COL12A1: variants seen among roughly 807,000 people sequenced by gnomAD.
The protein encoded by COL12A1 is collagen type XII alpha 1 chain.
Under a neutral mutation model 349.7 loss-of-function variants are expected in COL12A1, and 114 were observed. The ratio of observed to expected loss-of-function variants is 0.33; its 90% CI spans 0.28 to 0.38. The LOEUF is 0.38. Among genes scored for constraint, COL12A1 ranks in the 10% least tolerant of loss-of-function variants. The probability of loss-of-function intolerance (pLI) is 1.00; values close to 1 mark genes in which losing one functional copy is unlikely to be tolerated. For synonymous variants in COL12A1, 1,369 were observed against 1,329.0 expected, an observed-to-expected ratio of 1.03 and a Z score of -0.66; for missense variants, 3,284 against 3,756.9, an observed-to-expected ratio of 0.87 and a Z score of 3.29.
intron 14 of COL12A1, among the ~76,000 whole-genome samples, chr6:75,157,485 A>G (rs1460227260): frequency 2.6e-5 from 4 of 152,084 alleles, no homozygotes; most frequent in Non-Finnish European, 5.9e-5. Context: ...ATTTTCAGAC[A>G]CGACATCAGC....
At chr6:75,116,385 T>C (rs1332082615) in intron 47 of COL12A1, among the ~76,000 whole-genome samples, 1 of 152,164 alleles carries the variant, frequency 6.6e-6, no homozygotes, top group African/African-American at 2.4e-5. Context: ...CAGGGAATTT[T>C]AGATTTCTGC....
intron 2 of COL12A1, among the ~76,000 whole-genome samples, chr6:75,200,226 G>C (rs1770457406): frequency 6.6e-6 from 1 of 152,202 alleles, no homozygotes; most frequent in South Asian, 2.1e-4. Context: ...GTCAACAGCA[G>C]AGCTGTGCTG....
At chr6:75,133,807 C>T in intron 33 of COL12A1, 51 bp downstream of exon 33, 1 of 1,602,334 alleles carries the variant, frequency 6.2e-7, no homozygotes, top group Non-Finnish European at 8.5e-7. Flanking sequence ...TTTTAAATCA[C>T]TCAGCTACCA....
In COL12A1 at chr6:75,152,268, G is replaced by A; in HGVS notation, c.3716-18C>T. On this transcript the variant is annotated intron_variant, in intron 18 of 65. Transcript: ENST00000322507. ...AGCAAGAGCTAAAATGACACCACTG[G>A]CATTAGTGCATGTGAAAGAGAAAGA... 2 of 1,613,630 alleles carry A rather than the reference G, an allele frequency of 1.2e-6. No homozygotes were observed. Among genetic ancestry groups the A allele is most frequent in the Non-Finnish European group, 1.7e-6 (2 of 1,179,710 alleles).
intron 44 of COL12A1, among the ~76,000 whole-genome samples, chr6:75,120,595 T>C (rs953869317): frequency 3.3e-5 from 5 of 152,160 alleles, no homozygotes; most frequent in Non-Finnish European, 7.4e-5. Context: ...TGCAGCAATA[T>C]AGACAAAATA....
chr6:75,162,299 C>T (rs541152828), intron 14 of COL12A1, among the ~76,000 whole-genome samples: 56 of 151,238 alleles, frequency 3.7e-4, no homozygotes, highest in Middle Eastern at 3.4e-3. Context: ...GTACCAAAAA[C>T]GTAAAGTGCA....
intron 14 of COL12A1, among the ~76,000 whole-genome samples, chr6:75,159,799 C>CA (rs940765818): frequency 5.0e-5 from 7 of 140,696 alleles, no homozygotes; most frequent in African/African-American, 7.9e-5. Context: ...ACTTAAGTTT[C>CA]AAAAAAAAAT....
intron 7 of COL12A1, 30 bp downstream of exon 7, chr6:75,189,182 TGTAAA>T (rs762944637): frequency 6.2e-7 from 1 of 1,602,182 alleles, no homozygotes; most frequent in Non-Finnish European, 8.5e-7. Context: ...CTGTAGGAGT[TGTAAA>T]ATGGAAATAA....
At position 75,181,015 on chromosome 6, in the gene COL12A1, C is replaced by T. The variant is rs1769246763; in HGVS notation, c.2088G>A (p.Leu696=). 1 of 1,614,018 alleles carries T rather than the reference C, an allele frequency of 6.2e-7. No individual in the cohort carries two copies. Residue 696 remains leucine, a synonymous_variant, in exon 11 of 66, where the codon TTG becomes TTA. Transcript: ENST00000322507. ...ACTCCGCAGTCACATTGACCAAATA[C>T]AAGGTCTCTGGCTTCAGGCTGCTGA... ...VVLSSLKPET[L]YLVNVTAEYE... is the part of the protein sequence containing the mutation.
At chr6:75,179,436 G>T (rs1769146929) in intron 11 of COL12A1, among the ~76,000 whole-genome samples, 1 of 151,692 alleles carries the variant, frequency 6.6e-6, no homozygotes, top group Non-Finnish European at 1.5e-5. Flanking sequence ...AGAAATATCT[G>T]AGTACAGCCT....
At chr6:75,177,175 G>A (rs9447454) in intron 12 of COL12A1, among the ~76,000 whole-genome samples, 250 of 152,242 alleles carry the variant, frequency 1.6e-3, no homozygotes, top group African/African-American at 5.7e-3. Context: ...GGTGGCTCAC[G>A]TCTATAATCC....
intron 27 of COL12A1, among the ~76,000 whole-genome samples, chr6:75,139,812 C>T (rs1582117577): frequency 6.6e-6 from 1 of 152,300 alleles, no homozygotes; most frequent in East Asian, 1.9e-4. Context: ...CTTTCACAAC[C>T]CCTCCATTGA....
At chr6:75,157,194 G>T (rs534862397) in intron 14 of COL12A1, among the ~76,000 whole-genome samples, 17 of 151,986 alleles carry the variant, frequency 1.1e-4, no homozygotes, top group African/African-American at 3.9e-4. Context: ...TATTAATAAC[G>T]CTATATGAAA....
Position 75,160,388 on chromosome 6 carries a change from A to G in COL12A1, c.2984-3865T>C, listed in dbSNP as rs78845196. Among the ~76,000 whole-genome samples the G allele has an allele frequency of 7.0e-3, 1,062 of 152,296 alleles. 8 individuals are homozygous for G. Among genetic ancestry groups the G allele is most frequent in the African/African-American group, 0.024 (1,009 of 41,562 alleles). ...TTCAGGTGAAAGCAATCTTAAAGAC[A>G]TTCCCAAAATGCCCTCTTGGAAGCA... On this transcript the variant is annotated intron_variant, in intron 14 of 65. Coordinates refer to ENST00000322507, the MANE Select transcript of COL12A1 (RefSeq NM_004370.6).
At chr6:75,159,596 T>C (rs1767929168) in intron 14 of COL12A1, among the ~76,000 whole-genome samples, 1 of 151,590 alleles carries the variant, frequency 6.6e-6, no homozygotes, top group South Asian at 2.1e-4. Flanking sequence ...ATCAAATAAG[T>C]TGATGGGTGT....
At chr6:75,110,162 C>T (rs1162737688) in intron 51 of COL12A1, among the ~76,000 whole-genome samples, 1 of 151,914 alleles carries the variant, frequency 6.6e-6, no homozygotes, top group Non-Finnish European at 1.5e-5. Context: ...CCAGGACAAT[C>T]AACTAATACT....
intron 39 of COL12A1, 44 bp from the exon 40 acceptor site, chr6:75,125,317 A>G (rs765119822): frequency 2.0e-6 from 3 of 1,521,536 alleles, no homozygotes; most frequent in Non-Finnish European, 2.6e-6. Context: ...TGCCATCAAT[A>G]GCATGAAATT....
At chr6:75,092,438 A>G (rs1767817461) in intron 60 of COL12A1, among the ~76,000 whole-genome samples, 1 of 152,082 alleles carries the variant, frequency 6.6e-6, no homozygotes, top group Non-Finnish European at 1.5e-5. Flanking sequence ...AGCATAGAAT[A>G]TTTGTCCCTA....
chr6:75,201,506 G>C (rs1770522942), intron 2 of COL12A1, among the ~76,000 whole-genome samples: 1 of 151,722 alleles, frequency 6.6e-6, no homozygotes, highest in African/African-American at 2.4e-5. Context: ...GCATAATCAT[G>C]CAAACAACCA....
Sources: gnomAD v4.1 joint callset for allele counts (sites outside exome capture counted in the v4.1 genomes callset) on GRCh38, gnomAD v4.1.1 for gene constraint, MANE v1.5 for transcripts, NCBI Gene and HGNC (gene_info 2026-07-23, HGNC 2026-07-21) for gene names.